SEM1: variants seen among roughly 807,000 people sequenced by gnomAD.
The protein encoded by SEM1 is SEM1 26S proteasome subunit.
A neutral mutation model predicts 12.7 loss-of-function variants in SEM1; 3 were observed. The observed-to-expected ratio is 0.24, with a 90% confidence interval of 0.11 to 0.61. The LOEUF (loss-of-function observed/expected upper bound fraction) is 0.61. SEM1 is among the 20% of genes least tolerant of loss of function. The pLI, the probability that SEM1 is intolerant of heterozygous loss-of-function variation, is 0.88. For missense variants in SEM1, 59 were observed against 81.3 expected (o/e 0.73, Z 1.06); for synonymous variants, 30 against 27.8 (o/e 1.08, Z -0.25).
intron 1 of SEM1, among the ~76,000 whole-genome samples, chr7:96,491,549 G>T (rs1803008919): frequency 6.6e-6 from 1 of 152,188 alleles, no homozygotes; most frequent in African/African-American, 2.4e-5. Context: ...TCAAGTGTAT[G>T]TGACAGATGT....
chr7:96,523,064 G>A (rs973238233), intron 2 of SEM1, among the ~76,000 whole-genome samples: 7 of 152,064 alleles, frequency 4.6e-5, no homozygotes, highest in African/African-American at 1.7e-4. Context: ...ATTTGCCTAA[G>A]GATGCCTTCA....
chr7:96,637,813 C>G (rs1206600508), intron 2 of SEM1, among the ~76,000 whole-genome samples: 1 of 151,918 alleles, frequency 6.6e-6, no homozygotes, highest in Non-Finnish European at 1.5e-5. Context: ...CTCTTATTAC[C>G]CTGGCTAATT....
At chr7:96,618,418 C>T (rs1481532045), downstream of SEM1, among the ~76,000 whole-genome samples, 1 of 152,166 alleles carries the variant, frequency 6.6e-6, no homozygotes, top group African/African-American at 2.4e-5. Flanking sequence ...CCTCCTGTAT[C>T]TAGCTAACTC....
At chr7:96,708,038 A>T (rs1159914186) in intron 1 of SEM1, 1 of 152,212 alleles carries the variant, frequency 6.6e-6, no homozygotes, top group East Asian at 1.9e-4. Flanking sequence ...TCAAGGTGAT[A>T]GTGATAATTA....
intron 2 of SEM1, among the ~76,000 whole-genome samples, chr7:96,574,727 A>G (rs1806150962): frequency 6.6e-6 from 1 of 151,996 alleles, no homozygotes; most frequent in Non-Finnish European, 1.5e-5. Flanking sequence ...TCAATCTCTG[A>G]TATCCTTTGT....
chr7:96,564,082 T>G (rs1012513522), intron 2 of SEM1, among the ~76,000 whole-genome samples: 1 of 152,142 alleles, frequency 6.6e-6, no homozygotes, highest in Admixed American at 6.6e-5. Context: ...TTTACCTGTT[T>G]GGGCTGAATG....
intron 1 of SEM1, among the ~76,000 whole-genome samples, chr7:96,490,469 A>G (rs761318550): frequency 1.3e-5 from 2 of 152,196 alleles, no homozygotes; most frequent in Non-Finnish European, 2.9e-5. Flanking sequence ...ACTAGAAATA[A>G]TATTTTTACA....
chr7:96,675,279 C>T (rs934307371), intron 2 of SEM1, among the ~76,000 whole-genome samples: 4 of 152,116 alleles, frequency 2.6e-5, no homozygotes, highest in African/African-American at 9.7e-5. Flanking sequence ...CATAGAATTG[C>T]ATCTTGAGTA....
chr7:96,612,920 C>CCA (rs1282055179), intron 2 of SEM1, among the ~76,000 whole-genome samples: 1 of 152,138 alleles, frequency 6.6e-6, no homozygotes, highest in African/African-American at 2.4e-5. Context: ...CAGGCGTGAG[C>CCA]CACTGCACCC....
intron 2 of SEM1, among the ~76,000 whole-genome samples, chr7:96,585,418 T>C (rs1238305087): frequency 2.0e-5 from 3 of 152,000 alleles, no homozygotes; most frequent in Admixed American, 1.3e-4. Context: ...TGCTGTCTTT[T>C]TGTTTGTCTG....
chr7:96,525,749 CT>C (rs1804441455), intron 2 of SEM1, among the ~76,000 whole-genome samples: 1 of 152,144 alleles, frequency 6.6e-6, no homozygotes, highest in African/African-American at 2.4e-5. Flanking sequence ...TGAGCTCTAC[CT>C]CCTGTCAGAT....
intron 2 of SEM1, among the ~76,000 whole-genome samples, chr7:96,566,393 TTCA>T (rs1805843960): frequency 6.6e-6 from 1 of 151,648 alleles, no homozygotes; most frequent in Non-Finnish European, 1.5e-5. Flanking sequence ...TGAAAATATC[TTCA>T]TTTCATTTAA....
intron 2 of SEM1, among the ~76,000 whole-genome samples, chr7:96,600,222 C>A (rs1259359624): frequency 6.6e-6 from 1 of 152,058 alleles, no homozygotes; most frequent in Non-Finnish European, 1.5e-5. Flanking sequence ...AAGGTTAATT[C>A]TTATGTAGCA....
upstream of SEM1, among the ~76,000 whole-genome samples, chr7:96,498,775 C>G (rs1803395599): frequency 6.6e-6 from 1 of 152,054 alleles, no homozygotes; most frequent in South Asian, 2.1e-4. Context: ...CGTCGAGGAG[C>G]AGGGAGATGT....
At chr7:96,561,908 C>T (rs1805700072) in intron 2 of SEM1, among the ~76,000 whole-genome samples, 1 of 152,108 alleles carries the variant, frequency 6.6e-6, no homozygotes, top group South Asian at 2.1e-4. Flanking sequence ...TATTATATAT[C>T]TAGAGTATTT....
intron 2 of SEM1, among the ~76,000 whole-genome samples, chr7:96,648,319 G>C (rs1190713292): frequency 6.6e-6 from 1 of 152,150 alleles, no homozygotes; most frequent in Non-Finnish European, 1.5e-5. Context: ...GAAAAGAAGG[G>C]AGTGAGAAAC....
chr7:96,653,819 C>T (rs1809084154), intron 2 of SEM1: 1 of 152,232 alleles, frequency 6.6e-6, no homozygotes, highest in Non-Finnish European at 1.5e-5. Flanking sequence ...CACCTAACAA[C>T]ACAGTCCTCT....
chr7:96,595,387 A>G (rs1806965685), intron 2 of SEM1, among the ~76,000 whole-genome samples: 1 of 151,974 alleles, frequency 6.6e-6, no homozygotes, highest in Non-Finnish European at 1.5e-5. Flanking sequence ...TGGTGTGCAC[A>G]TGTAGTCCCA....
At chr7:96,546,795 G>A (rs1371915580) in intron 2 of SEM1, among the ~76,000 whole-genome samples, 1 of 151,932 alleles carries the variant, frequency 6.6e-6, no homozygotes, top group East Asian at 1.9e-4. Context: ...AGCATTGAGG[G>A]TGTGAGCTGT....
Sources: gnomAD v4.1 joint callset for allele counts (sites outside exome capture counted in the v4.1 genomes callset) on GRCh38, gnomAD v4.1.1 for gene constraint, MANE v1.5 for transcripts, NCBI Gene and HGNC (gene_info 2026-07-23, HGNC 2026-07-21) for gene names.